EFNA5: variants seen among roughly 807,000 people sequenced by gnomAD.
EFNA5 encodes the protein ephrin A5, also known as ephrin-A5.
In EFNA5, 5 loss-of-function variants were observed where a neutral mutation model predicts 22.9. The ratio of observed to expected loss-of-function variants is 0.22; its 90% CI spans 0.11 to 0.46. The LOEUF (loss-of-function observed/expected upper bound fraction) is 0.46. Ranked by LOEUF, EFNA5 falls within the 20% of genes least tolerant of loss-of-function variation. The pLI is 0.99. For synonymous variants in EFNA5, 113 were observed against 112.2 expected (o/e 1.01, Z -0.04); for missense variants, 237 against 293.3 (o/e 0.81, Z 1.40).
intron 1 of EFNA5, among the ~76,000 whole-genome samples, chr5:107,465,265 T>C (rs912944382): frequency 2.0e-5 from 3 of 152,046 alleles, no homozygotes; most frequent in Admixed American, 6.6e-5. Flanking sequence ...CTGGAAAGAG[T>C]GAACATCAAC....
chr5:107,409,809 A>G (rs1305558799), intron 2 of EFNA5, among the ~76,000 whole-genome samples: 1 of 152,156 alleles, frequency 6.6e-6, no homozygotes, highest in Non-Finnish European at 1.5e-5. Context: ...GCCACTTACT[A>G]GGTACAAGTA....
intron 1 of EFNA5, among the ~76,000 whole-genome samples, chr5:107,668,677 T>C (rs1751121755): frequency 6.6e-6 from 1 of 152,134 alleles, no homozygotes; most frequent in Non-Finnish European, 1.5e-5. Context: ...CTTTATTTAA[T>C]AAGGTGCTAA....
chr5:107,388,463 G>C (rs1467255758), intron 2 of EFNA5: 1 of 151,918 alleles, frequency 6.6e-6, no homozygotes, highest in Non-Finnish European at 1.5e-5. Context: ...CACAGAGAAG[G>C]ATGGAATTAA....
intron 1 of EFNA5, among the ~76,000 whole-genome samples, chr5:107,669,684 G>C (rs1164041048): frequency 6.6e-6 from 1 of 152,084 alleles, no homozygotes; most frequent in Non-Finnish European, 1.5e-5. Flanking sequence ...CCAGGTAATC[G>C]CGCGCGTTCC....
intron 1 of EFNA5, among the ~76,000 whole-genome samples, chr5:107,430,562 G>A (rs553042947): frequency 7.2e-4 from 110 of 151,774 alleles, no homozygotes; most frequent in African/African-American, 2.5e-3. Context: ...GTTTCTTCAT[G>A]CCTAGAAGTT....
At chr5:107,602,921 G>A (rs1281839438) in intron 1 of EFNA5, among the ~76,000 whole-genome samples, 2 of 152,182 alleles carry the variant, frequency 1.3e-5, no homozygotes, top group African/African-American at 4.8e-5. Context: ...ACTGGCAGGA[G>A]GCAGGAGACG....
intron 1 of EFNA5, among the ~76,000 whole-genome samples, chr5:107,620,519 G>T (rs1190033875): frequency 3.3e-5 from 5 of 152,106 alleles, no homozygotes; most frequent in African/African-American, 9.7e-5. Flanking sequence ...TTAATAATGG[G>T]TTCTGTATTT....
At chr5:107,476,056 AT>A (rs1251405666) in intron 1 of EFNA5, among the ~76,000 whole-genome samples, 43 of 115,354 alleles carry the variant, frequency 3.7e-4, no homozygotes, top group Non-Finnish European at 4.7e-4. Context: ...CTATATATAT[AT>A]TTTTTTTTTT....
chr5:107,600,326 T>C (rs1749565016), intron 1 of EFNA5, among the ~76,000 whole-genome samples: 1 of 152,300 alleles, frequency 6.6e-6, no homozygotes, highest in Non-Finnish European at 1.5e-5. Flanking sequence ...TAAATTACTC[T>C]TGGACGATGA....
chr5:107,561,562 G>A (rs1183177328), intron 1 of EFNA5, among the ~76,000 whole-genome samples: 1 of 152,050 alleles, frequency 6.6e-6, no homozygotes, highest in Non-Finnish European at 1.5e-5. Context: ...TAAAGATGGG[G>A]TTTCACCATG....
intron 1 of EFNA5, among the ~76,000 whole-genome samples, chr5:107,480,949 A>C (rs1750442833): frequency 6.6e-6 from 1 of 152,232 alleles, no homozygotes; most frequent in Non-Finnish European, 1.5e-5. Context: ...GAAGTATGTT[A>C]GGTAGACAAG....
intron 1 of EFNA5, among the ~76,000 whole-genome samples, chr5:107,525,284 G>C (rs1449845039): frequency 6.6e-6 from 1 of 152,052 alleles, no homozygotes; most frequent in African/African-American, 2.4e-5. Context: ...ATATAGATAT[G>C]TGTGTGTGTA....
chr5:107,635,761 G>C (rs1326754423), intron 1 of EFNA5, among the ~76,000 whole-genome samples: 1 of 152,166 alleles, frequency 6.6e-6, no homozygotes, highest in Non-Finnish European at 1.5e-5. Flanking sequence ...TTAAGAAATG[G>C]AGATGTATCA....
intron 1 of EFNA5, among the ~76,000 whole-genome samples, chr5:107,465,076 T>C (rs957885588): frequency 6.7e-6 from 1 of 149,668 alleles, no homozygotes; most frequent in African/African-American, 2.5e-5. Flanking sequence ...TTTTTTTTTT[T>C]TTAAGAAAAA....
rs149740379 is a variant in EFNA5, at chr5:107,607,390, A to G, written c.125+63099T>C. ...ACACATTTCTTTTCCTTCTTCAAAC[A>G]TTTGCAGTAGAGTTTGAGCCCAGTT... On this transcript the variant is annotated intron_variant, in intron 1 of 4. Coordinates refer to ENST00000333274, the MANE Select transcript of EFNA5 (RefSeq NM_001962.3). Among the ~76,000 whole-genome samples, 563 of 152,296 alleles carry G rather than the reference A, an allele frequency of 3.7e-3. 6 individuals are homozygous for G. Among genetic ancestry groups the G allele is most frequent in the African/African-American group, 0.013 (540 of 41,556 alleles).
At position 107,378,196 on chromosome 5, in the gene EFNA5, T is replaced by G. The variant is rs1747324876; in HGVS notation, c.*3059A>C. 6.6e-6 allele frequency: 1 copy of G among 151,954 alleles called. No homozygotes were observed. The highest frequency in any genetic ancestry group is 1.5e-5 in the Non-Finnish European group (1 of 67,988). The allele number at this position is 151,954 out of a possible 1,614,324, so 9.4% of individuals were successfully genotyped here. On this transcript the variant is annotated 3_prime_UTR_variant, in exon 5 of 5. Coordinates refer to ENST00000333274, the MANE Select transcript of EFNA5 (RefSeq NM_001962.3). ...CAGAATTTAAAGAACGCAGTTTTTT[T>G]TTTTTTTTTAATGTTTTACTTTTCT... is the stretch of plus-strand genomic sequence containing the variant.
At chr5:107,392,590 C>T (rs1171657221) in intron 2 of EFNA5, among the ~76,000 whole-genome samples, 2 of 152,168 alleles carry the variant, frequency 1.3e-5, no homozygotes, top group Non-Finnish European at 2.9e-5. Context: ...AGCTAAGCTG[C>T]ACCTGGATTC....
intron 2 of EFNA5, among the ~76,000 whole-genome samples, chr5:107,414,134 T>G (rs1307705827): frequency 1.3e-5 from 2 of 152,166 alleles, no homozygotes; most frequent in Non-Finnish European, 2.9e-5. Context: ...TAAAAATAGA[T>G]TCCTACATTG....
intron 1 of EFNA5, among the ~76,000 whole-genome samples, chr5:107,622,214 A>G (rs918875427): frequency 6.6e-6 from 1 of 152,170 alleles, no homozygotes; most frequent in Admixed American, 6.5e-5. Context: ...TCTGGAGCCC[A>G]AGCAGCCATT....
Sources: gnomAD v4.1 joint callset for allele counts (sites outside exome capture counted in the v4.1 genomes callset) on GRCh38, gnomAD v4.1.1 for gene constraint, MANE v1.5 for transcripts, NCBI Gene and HGNC (gene_info 2026-07-23, HGNC 2026-07-21) for gene names.